The following CCDC13 variants were observed in gnomAD, a reference collection of about 807,000 sequenced individuals.
CCDC13 encodes coiled-coil domain-containing protein 13.
Under a neutral mutation model 87.3 loss-of-function variants are expected in CCDC13, and 70 were observed. The ratio of observed to expected loss-of-function variants is 0.80; its 90% CI spans 0.66 to 0.98. CCDC13 has a LOEUF of 0.98. Ranked by LOEUF, CCDC13 falls within the 50% of genes least tolerant of loss-of-function variation. The pLI, the probability that CCDC13 is intolerant of heterozygous loss-of-function variation, is 0.00. For synonymous variants in CCDC13, 317 were observed against 360.3 expected, an observed-to-expected ratio of 0.88 and a Z score of 1.36; for missense variants, 842 against 892.0, an observed-to-expected ratio of 0.94 and a Z score of 0.71.
At chr3:42,771,630 C>A (rs1188133016) in intron 1 of CCDC13, among the ~76,000 whole-genome samples, 2 of 152,144 alleles carry the variant, frequency 1.3e-5, no homozygotes, top group East Asian at 1.9e-4. Flanking sequence ...TGGCATGTGC[C>A]TGTGTTCCCA....
intron 13 of CCDC13, among the ~76,000 whole-genome samples, chr3:42,720,863 T>G (rs1698544710): frequency 6.6e-6 from 1 of 152,208 alleles, no homozygotes. Context: ...TATGATCTCT[T>G]TAACAAAAAT....
chr3:42,751,685 G>A (rs889482442), intron 5 of CCDC13, among the ~76,000 whole-genome samples: 5 of 152,222 alleles, frequency 3.3e-5, no homozygotes, highest in Admixed American at 2.6e-4. Flanking sequence ...TTCCTTTCTG[G>A]AGACAGAGTT....
chr3:42,766,376 G>A (rs766275124), intron 1 of CCDC13, among the ~76,000 whole-genome samples: 7 of 151,822 alleles, frequency 4.6e-5, no homozygotes, highest in African/African-American at 1.2e-4. Flanking sequence ...GAAGGAGAGG[G>A]AAGAGGAAGA....
intron 7 of CCDC13, chr3:42,745,665 C>G (rs750217219): frequency 1.3e-5 from 4 of 316,108 alleles, no homozygotes; most frequent in Non-Finnish European, 1.2e-5. Flanking sequence ...ATAAATCAAA[C>G]CAAAGGCGTT....
At chr3:42,729,631 A>T (rs1235935611) in intron 13 of CCDC13, among the ~76,000 whole-genome samples, 1 of 152,238 alleles carries the variant, frequency 6.6e-6, no homozygotes, top group African/African-American at 2.4e-5. Context: ...CCATTTGGCC[A>T]TGCCATTTCA....
chr3:42,732,589 A>G, intron 12 of CCDC13: 1 of 404,566 alleles, frequency 2.5e-6, no homozygotes, highest in South Asian at 4.0e-5. Flanking sequence ...CTCAATGAGC[A>G]AGAGAAGATG....
chr3:42,710,569 G>A (rs13072026), intron 14 of CCDC13, among the ~76,000 whole-genome samples: 31,343 of 152,208 alleles, frequency 0.21, 3,354 homozygotes, highest in East Asian at 0.3. Flanking sequence ...GTGGCCCACG[G>A]TGGGGTGGTC....
chr3:42,756,762 C>G (rs1214680342), intron 3 of CCDC13, among the ~76,000 whole-genome samples: 1 of 152,142 alleles, frequency 6.6e-6, no homozygotes, highest in Non-Finnish European at 1.5e-5. Context: ...AGCATGATGG[C>G]AAACCCTTGT....
intron 14 of CCDC13, among the ~76,000 whole-genome samples, chr3:42,711,246 C>CAAAAAAAAAA (rs1174084143): frequency 9.3e-5 from 7 of 75,320 alleles, no homozygotes; most frequent in African/African-American, 2.2e-4. Context: ...ACTCTGTCTC[C>CAAAAAAAAAA]AAAAAAAAAA....
At chr3:42,739,043 G>A (rs1232998818) in intron 9 of CCDC13, among the ~76,000 whole-genome samples, 2 of 152,162 alleles carry the variant, frequency 1.3e-5, no homozygotes, top group African/African-American at 2.4e-5. Flanking sequence ...ATTGGCTGTG[G>A]GTTTGTCATA....
chr3:42,751,171 G>C (rs1005444833), intron 5 of CCDC13, among the ~76,000 whole-genome samples: 1 of 152,192 alleles, frequency 6.6e-6, no homozygotes, highest in Non-Finnish European at 1.5e-5. Context: ...TAGAAAACAA[G>C]CACCAAATTG....
At chr3:42,746,192 A>G (rs990240979) in intron 6 of CCDC13, 165 bp from the exon 7 acceptor site, 1 of 604,570 alleles carries the variant, frequency 1.7e-6, no homozygotes, top group African/African-American at 1.9e-5. Flanking sequence ...TCCCAAGGGC[A>G]GCTCTCCCTG....
chr3:42,758,321 T>G lies in CCDC13; in HGVS notation c.25A>C (p.Asn9His). The G allele has an allele frequency of 1.2e-6, 2 of 1,612,864 alleles. No individual in the cohort carries two copies. The highest frequency in any genetic ancestry group is 1.7e-6 in the Non-Finnish European group (2 of 1,180,014). The change falls in exon 2 of 16, where the codon AAC (asparagine) becomes CAC (histidine). Residue 9 changes from asparagine to histidine, a missense_variant. Transcript: ENST00000310232. MAADESSQ[N>H]TLRLQFKAMQ... The stretch of plus-strand genomic sequence containing the variant: ...GCCTTGAACTGGAGCCGCAAAGTGT[T>G]CTGTGAGCTTTCATCTGCTGCCATC...
chr3:42,752,154 T>C (rs1699600394), intron 4 of CCDC13, 129 bp from the exon 5 acceptor site: 5 of 731,166 alleles, frequency 6.8e-6, no homozygotes, highest in South Asian at 3.5e-5. Flanking sequence ...TTTAGGATCA[T>C]TAATGGCAGC....
intron 13 of CCDC13, among the ~76,000 whole-genome samples, chr3:42,714,847 G>C (rs919145082): frequency 6.6e-6 from 1 of 152,176 alleles, no homozygotes; most frequent in African/African-American, 2.4e-5. Context: ...ATTTGCAAAA[G>C]CAAAAACCCA....
chr3:42,759,928 C>T (rs150493241), intron 1 of CCDC13, among the ~76,000 whole-genome samples: 73 of 152,234 alleles, frequency 4.8e-4, no homozygotes, highest in Middle Eastern at 3.4e-3. Context: ...CAATGGGAGT[C>T]CCAGTTGCGC....
intron 14 of CCDC13, 149 bp downstream of exon 14, chr3:42,713,013 C>T (rs11713172): frequency 0.26 from 225,313 of 867,830 alleles, 30,663 homozygotes; most frequent in South Asian, 0.28. Context: ...AAGAACACCC[C>T]ACAGTGGAGG....
intron 13 of CCDC13, among the ~76,000 whole-genome samples, chr3:42,715,378 G>A (rs930719220): frequency 5.9e-5 from 9 of 152,064 alleles, no homozygotes; most frequent in African/African-American, 1.9e-4. Context: ...GGAGGCATAG[G>A]TGGGTGGATC....
downstream of CCDC13, chr3:42,704,732 G>T (rs1365344095): frequency 6.5e-6 from 1 of 152,882 alleles, no homozygotes. Context: ...TGTCTGAGGG[G>T]GGTGGCAGGG....
Sources: allele counts gnomAD v4.1 joint callset (sites outside exome capture counted in the v4.1 genomes callset), GRCh38; gene constraint gnomAD v4.1.1; transcripts MANE v1.5; gene names NCBI Gene and HGNC (gene_info 2026-07-23, HGNC 2026-07-21).